The following COL24A1 variants were observed in gnomAD, a reference collection of about 807,000 sequenced individuals.
The protein encoded by COL24A1 is collagen type XXIV alpha 1 chain.
Under a neutral mutation model 253.9 loss-of-function variants are expected in COL24A1, and 224 were observed. The ratio of observed to expected loss-of-function variants is 0.88; its 90% CI spans 0.79 to 0.99. The LOEUF is 0.99. Ranked by LOEUF, COL24A1 falls within the 50% of genes least tolerant of loss-of-function variation. The probability of loss-of-function intolerance (pLI) is 0.00; values close to 1 mark genes in which losing one functional copy is unlikely to be tolerated. For missense variants in COL24A1, 2,131 were observed against 2,068.5 expected, an observed-to-expected ratio of 1.03 and a Z score of -0.59; for synonymous variants, 685 against 673.7, an observed-to-expected ratio of 1.02 and a Z score of -0.26.
At chr1:86,152,062 A>C (rs1171747278) in intron 1 of COL24A1, among the ~76,000 whole-genome samples, 1 of 152,194 alleles carries the variant, frequency 6.6e-6, no homozygotes, top group Non-Finnish European at 1.5e-5. Context: ...AAATAGTAAA[A>C]TTTCTGTTCT....
intron 52 of COL24A1, 37 bp downstream of exon 52, chr1:85,781,183 A>C: frequency 1.4e-6 from 2 of 1,447,120 alleles, no homozygotes; most frequent in Non-Finnish European, 9.5e-7. Context: ...TTAAAGAAAA[A>C]AAAGAGTACA....
chr1:85,874,799 G>T, intron 34 of COL24A1, 97 bp from the exon 35 acceptor site: 1 of 1,323,698 alleles, frequency 7.6e-7, no homozygotes, highest in African/African-American at 1.4e-5. Context: ...CAACGCCTGG[G>T]CCGTAGAGGG....
At chr1:85,809,512 G>A (rs529622267) in intron 47 of COL24A1, among the ~76,000 whole-genome samples, 2 of 152,004 alleles carry the variant, frequency 1.3e-5, no homozygotes, top group Admixed American at 6.5e-5. Flanking sequence ...TTTTGAAAAG[G>A]CAGTTTCATG....
At chr1:86,121,854 T>C (rs2102238072) in intron 3 of COL24A1, among the ~76,000 whole-genome samples, 1 of 152,214 alleles carries the variant, frequency 6.6e-6, no homozygotes, top group South Asian at 2.1e-4. Flanking sequence ...CAAAATAATC[T>C]TCTGATCAAA....
intron 53 of COL24A1, among the ~76,000 whole-genome samples, chr1:85,772,438 C>T (rs1429451934): frequency 6.6e-6 from 1 of 151,882 alleles, no homozygotes; most frequent in Admixed American, 6.6e-5. Flanking sequence ...ACCATTTGAC[C>T]CAGCCATCCC....
In COL24A1 at chr1:85,842,385, T is replaced by G. The variant is rs1365346425; in HGVS notation, c.3471A>C (p.Leu1157Phe). 1 of 1,598,272 alleles carries G rather than the reference T, an allele frequency of 6.3e-7. No individual in the cohort carries two copies. The highest frequency in any genetic ancestry group is 8.5e-7 in the Non-Finnish European group (1 of 1,170,698). Residue 1157 changes from leucine to phenylalanine, a missense_variant, in exon 40 of 60, where the codon TTA (leucine) becomes TTC (phenylalanine). Transcript: ENST00000370571. The part of the protein sequence containing the change: ...ARGTRGAVGH[L>F]GLMGPDGEPG... Reference sequence around the variant, plus strand: ...GTTCTCCATCAGGTCCCATCAATCCTAAATGTCCCTGAAAAACAAAGTAAA... The same window carrying G: ...GTTCTCCATCAGGTCCCATCAATCCGAAATGTCCCTGAAAAACAAAGTAAA...
intron 5 of COL24A1, among the ~76,000 whole-genome samples, chr1:86,110,789 C>T (rs1028995846): frequency 6.6e-6 from 1 of 152,174 alleles, no homozygotes; most frequent in African/African-American, 2.4e-5. Flanking sequence ...CAGGGCAGGG[C>T]TCCGGACCTG....
intron 13 of COL24A1, among the ~76,000 whole-genome samples, chr1:86,032,645 CCTT>C (rs1451811446): frequency 2.0e-5 from 3 of 152,038 alleles, no homozygotes; most frequent in Non-Finnish European, 2.9e-5. Flanking sequence ...ACATGAATGT[CCTT>C]CTTTTTTTGC....
At chr1:86,018,479 C>T (rs963658697) in intron 18 of COL24A1, among the ~76,000 whole-genome samples, 1 of 152,178 alleles carries the variant, frequency 6.6e-6, no homozygotes, top group African/African-American at 2.4e-5. Flanking sequence ...GGGCGAGGGG[C>T]TCTCATTGGA....
chr1:85,889,105 A>T (rs1017414072), intron 32 of COL24A1, among the ~76,000 whole-genome samples: 12 of 152,090 alleles, frequency 7.9e-5, no homozygotes, highest in Non-Finnish European at 1.5e-4. Context: ...TTTTGTATTG[A>T]TGCAAGCTTT....
intron 47 of COL24A1, among the ~76,000 whole-genome samples, chr1:85,799,211 A>AAAAAAAAGATAGAAAGAAAGAAAGAAAG (rs753701297): frequency 7.3e-6 from 1 of 137,546 alleles, no homozygotes; most frequent in Non-Finnish European, 1.5e-5. Flanking sequence ...TTGGCCACAT[A>AAAAAAAAGATAGAAAGAAAGAAAGAAAG]AAAGAAAGAA....
chr1:85,961,363 T>A, intron 23 of COL24A1, 70 bp from the exon 24 acceptor site: 1 of 1,257,032 alleles, frequency 8.0e-7, no homozygotes, highest in Non-Finnish European at 1.1e-6. Context: ...ACAGTTTCAA[T>A]TTTCCTTTTT....
Position 85,979,783 on chromosome 1 carries a change from T to C in COL24A1, c.2364+7818A>G, listed in dbSNP as rs1039087790. Among the ~76,000 whole-genome samples the C allele has an allele frequency of 4.0e-5, 6 of 151,608 alleles. No homozygotes were observed. In the South Asian group the frequency reaches 1.3e-3, roughly 32 times the overall value. ...CAAAGAAGAATTGGTACCAATCCTA[T>C]TGACACTATTCCAAAAGACAGAGAA... On this transcript the variant is annotated intron_variant, in intron 20 of 59. Transcript: ENST00000370571.
At chr1:86,022,655 G>C (rs1446381386) in intron 16 of COL24A1, 64 bp from the exon 17 acceptor site, 4 of 1,489,710 alleles carry the variant, frequency 2.7e-6, no homozygotes, top group Non-Finnish European at 3.7e-6. Context: ...TTATAAGAAA[G>C]CAAATATTCA....
rs768190436 is a variant in COL24A1 at position 85,745,556 on chromosome 1, GCC to G, written c.4438-52_4438-51del. The G allele has an allele frequency of 5.9e-6, 8 of 1,351,802 alleles. No individual in the cohort carries two copies. The Admixed American group carries it at 1.4e-4, about 23-fold the overall frequency. 83.7% of individuals were successfully genotyped at this position (1,351,802 alleles called of 1,614,324 possible). Reference sequence around the variant, plus strand: ...ATTAGCAATAAGATCAACACTGAGTGCCCTAAAGTAAAGGCTGTAAATTCTGA... The same window carrying G: ...ATTAGCAATAAGATCAACACTGAGTGCTAAAGTAAAGGCTGTAAATTCTGA... On this transcript the variant is annotated intron_variant, in intron 55 of 59. Transcript: ENST00000370571.
chr1:85,810,564 C>G (rs1672426577), intron 47 of COL24A1, among the ~76,000 whole-genome samples: 1 of 152,018 alleles, frequency 6.6e-6, no homozygotes, highest in African/African-American at 2.4e-5. Context: ...GAATTGTAAT[C>G]CCCAGTGCAG....
chr1:85,788,343 G>A (rs1220512273), intron 47 of COL24A1, among the ~76,000 whole-genome samples: 3 of 152,014 alleles, frequency 2.0e-5, no homozygotes, highest in Non-Finnish European at 4.4e-5. Flanking sequence ...CGCCCATCTC[G>A]GCCTCCCAAA....
chr1:86,112,929 C>T (rs969211439), intron 4 of COL24A1, among the ~76,000 whole-genome samples: 1 of 152,166 alleles, frequency 6.6e-6, no homozygotes, highest in Non-Finnish European at 1.5e-5. Context: ...TGCCTCAGGA[C>T]ATTTCTTATA....
chr1:85,939,704 C>A (rs1342009961), intron 24 of COL24A1, among the ~76,000 whole-genome samples: 1 of 151,760 alleles, frequency 6.6e-6, no homozygotes, highest in Admixed American at 6.6e-5. Context: ...GAATATTTAC[C>A]AAAAAATTTC....
Sources: allele counts gnomAD v4.1 joint callset (sites outside exome capture counted in the v4.1 genomes callset), GRCh38; gene constraint gnomAD v4.1.1; transcripts MANE v1.5; gene names NCBI Gene and HGNC (gene_info 2026-07-23, HGNC 2026-07-21).